The following LIN52 variants were observed in gnomAD, a reference collection of about 807,000 sequenced individuals.
The protein encoded by LIN52 is protein lin-52 homolog.
In LIN52, 4 loss-of-function variants were observed where a neutral mutation model predicts 18.5. The ratio of observed to expected loss-of-function variants is 0.22; its 90% CI spans 0.11 to 0.49. LIN52 has a LOEUF of 0.49. LIN52 is among the 20% of genes least tolerant of loss of function. The probability of loss-of-function intolerance (pLI) is 0.97; values close to 1 mark genes in which losing one functional copy is unlikely to be tolerated. For missense variants in LIN52, 102 were observed against 139.5 expected (o/e 0.73, Z 1.35); for synonymous variants, 34 against 45.5 (o/e 0.75, Z 1.02).
rs556615472 is a variant in LIN52 at position 74,118,225 on chromosome 14, C to T, written c.283+16987C>T. Reference sequence around the variant, plus strand: ...GCAGTGAGCTATGATCATGCCACTGCGTTCCAGTCTGGATGACAGAGTGAG... The same window carrying T: ...GCAGTGAGCTATGATCATGCCACTGTGTTCCAGTCTGGATGACAGAGTGAG... On this transcript the variant is annotated intron_variant, in intron 5 of 5. Transcript: ENST00000555028. 5.3e-5 allele frequency among the ~76,000 whole-genome samples: 8 copies of T among 151,772 alleles called. No individual in the cohort carries two copies. In the South Asian group the frequency reaches 1.5e-3, roughly 28 times the overall value.
intron 2 of LIN52, among the ~76,000 whole-genome samples, chr14:74,094,841 C>T (rs1050963406): frequency 6.6e-6 from 1 of 151,902 alleles, no homozygotes; most frequent in Non-Finnish European, 1.5e-5. Context: ...AATTCTCCTG[C>T]CTCAGCCTCC....
At chr14:74,151,798 A>G (rs531828955) in intron 5 of LIN52, among the ~76,000 whole-genome samples, 1 of 152,226 alleles carries the variant, frequency 6.6e-6, no homozygotes, top group African/African-American at 2.4e-5. Context: ...GAAGAACTAC[A>G]TGCAAGTCCT....
At chr14:74,196,246 G>A (rs1209736914) in intron 5 of LIN52, among the ~76,000 whole-genome samples, 3 of 152,186 alleles carry the variant, frequency 2.0e-5, no homozygotes, top group South Asian at 2.1e-4. Flanking sequence ...GCCACTGAGA[G>A]ACTTCAGAAT....
At chr14:74,091,705 C>T (rs760798304) in intron 2 of LIN52, among the ~76,000 whole-genome samples, 15 of 134,994 alleles carry the variant, frequency 1.1e-4, no homozygotes, top group South Asian at 2.5e-4. Flanking sequence ...ACCCAGGAGG[C>T]GGAGGCTGCA....
At chr14:74,138,876 A>T (rs1028503191) in intron 5 of LIN52, among the ~76,000 whole-genome samples, 7 of 152,072 alleles carry the variant, frequency 4.6e-5, no homozygotes, top group Non-Finnish European at 1.0e-4. Context: ...GTTAATTATG[A>T]TAAAGTGCAA....
intron 5 of LIN52, among the ~76,000 whole-genome samples, chr14:74,140,118 T>C (rs1236629977): frequency 6.6e-6 from 1 of 152,212 alleles, no homozygotes; most frequent in Non-Finnish European, 1.5e-5. Flanking sequence ...TTAAAAGCTT[T>C]TTAAAAATAA....
At chr14:74,118,642 T>C (rs1197132155) in intron 5 of LIN52, among the ~76,000 whole-genome samples, 1 of 151,190 alleles carries the variant, frequency 6.6e-6, no homozygotes, top group Non-Finnish European at 1.5e-5. Context: ...GGCCTGCTGG[T>C]GTACACCTGT....
intron 5 of LIN52, among the ~76,000 whole-genome samples, chr14:74,127,272 G>T (rs1328411713): frequency 2.6e-5 from 4 of 152,186 alleles, no homozygotes; most frequent in Non-Finnish European, 5.9e-5. Flanking sequence ...GTGGGACAAG[G>T]CCTAAGAGGG....
chr14:74,101,919 T>A (rs2060859414), intron 5 of LIN52, among the ~76,000 whole-genome samples: 1 of 152,134 alleles, frequency 6.6e-6, no homozygotes, highest in Admixed American at 6.5e-5. Context: ...ACTACAAGCA[T>A]GTACCACCGT....
intron 5 of LIN52, among the ~76,000 whole-genome samples, chr14:74,135,928 A>G (rs538193588): frequency 3.9e-5 from 6 of 152,026 alleles, no homozygotes; most frequent in Non-Finnish European, 8.8e-5. Context: ...ATTGGTTTTT[A>G]GCACACTCAA....
chr14:74,090,689 CTTTTTAAAGAGA>C lies in LIN52; in HGVS notation c.20-531_20-520del, dbSNP rs376052304. ...GCAACCAGCTTGATTGGTACTGCTC[CTTTTTAAAGAGA>C]TTTTTAAAGAGTTACTTATTTTGTA... On this transcript the variant is annotated intron_variant, in intron 1 of 5. Coordinates refer to ENST00000555028, the MANE Select transcript of LIN52 (RefSeq NM_001024674.3). Among the ~76,000 whole-genome samples, 9 of 152,170 alleles carry C rather than the reference CTTTTTAAAGAGA, an allele frequency of 5.9e-5. No individual in the cohort carries two copies. The East Asian group carries it at 1.5e-3, about 26-fold the overall frequency.
At chr14:74,119,448 G>C (rs1019712862) in intron 5 of LIN52, among the ~76,000 whole-genome samples, 1 of 152,186 alleles carries the variant, frequency 6.6e-6, no homozygotes, top group African/African-American at 2.4e-5. Flanking sequence ...ACAGGCATGA[G>C]CCGCCGCACC....
At chr14:74,156,154 C>G (rs2061198180) in intron 5 of LIN52, among the ~76,000 whole-genome samples, 1 of 152,136 alleles carries the variant, frequency 6.6e-6, no homozygotes, top group South Asian at 2.1e-4. Context: ...CTTTGTCCTC[C>G]TATTTTAAGC....
intron 3 of LIN52, 83 bp from the exon 4 acceptor site, chr14:74,097,711 G>A (rs926947756): frequency 6.8e-6 from 7 of 1,033,006 alleles, no homozygotes; most frequent in Middle Eastern, 2.0e-4. Flanking sequence ...CACCGCATCC[G>A]GCCCAGGCTA....
At chr14:74,115,627 G>A (rs951990935) in intron 5 of LIN52, among the ~76,000 whole-genome samples, 2 of 152,082 alleles carry the variant, frequency 1.3e-5, no homozygotes, top group Non-Finnish European at 2.9e-5. Context: ...AAGGGATCAT[G>A]GTTATTCTTA....
chr14:74,149,155 T>G (rs1315459005), intron 5 of LIN52, among the ~76,000 whole-genome samples: 1 of 152,192 alleles, frequency 6.6e-6, no homozygotes, highest in East Asian at 1.9e-4. Context: ...CAGCTAATTC[T>G]TATTTAAATG....
At chr14:74,115,481 T>C (rs2060959397) in intron 5 of LIN52, among the ~76,000 whole-genome samples, 1 of 151,494 alleles carries the variant, frequency 6.6e-6, no homozygotes, top group Non-Finnish European at 1.5e-5. Flanking sequence ...AAAGACTGTG[T>C]TGAAATCTGC....
chr14:74,094,382 C>T (rs1373214200), intron 2 of LIN52, among the ~76,000 whole-genome samples: 1 of 152,026 alleles, frequency 6.6e-6, no homozygotes, highest in Non-Finnish European at 1.5e-5. Flanking sequence ...ACTTCAGCCT[C>T]CTGAGTAGCT....
chr14:74,181,420 A>AT (rs1020725520), intron 5 of LIN52, among the ~76,000 whole-genome samples: 1 of 150,624 alleles, frequency 6.6e-6, no homozygotes, highest in African/African-American at 2.4e-5. Flanking sequence ...AGCCTGGGTG[A>AT]TAGCAAGACC....
Sources: gnomAD v4.1 joint callset for allele counts (sites outside exome capture counted in the v4.1 genomes callset) on GRCh38, gnomAD v4.1.1 for gene constraint, MANE v1.5 for transcripts, NCBI Gene and HGNC (gene_info 2026-07-23, HGNC 2026-07-21) for gene names.